IQCH: variants seen among roughly 807,000 people sequenced by gnomAD.
The protein encoded by IQCH is IQ motif containing H.
Under a neutral mutation model 117.0 loss-of-function variants are expected in IQCH, and 98 were observed. The observed-to-expected ratio is 0.84, with a 90% CI of 0.71 to 0.99. IQCH has a LOEUF of 0.99. Among genes scored for constraint, IQCH ranks in the 50% least tolerant of loss-of-function variants. The pLI is 0.00. For synonymous variants in IQCH, 412 were observed against 448.2 expected, an observed-to-expected ratio of 0.92 and a Z score of 1.02; for missense variants, 1,102 against 1,243.8, an observed-to-expected ratio of 0.89 and a Z score of 1.72.
chr15:67,340,296 C>T (rs12901046), intron 5 of IQCH, among the ~76,000 whole-genome samples: 45,001 of 151,100 alleles, frequency 0.3, 6,909 homozygotes, highest in South Asian at 0.38. Flanking sequence ...GGTGTGATGG[C>T]GGGCACCTGT....
At chr15:67,477,172 T>TCCC (rs1341525965) in intron 18 of IQCH, among the ~76,000 whole-genome samples, 1 of 147,074 alleles carries the variant, frequency 6.8e-6, no homozygotes, top group Non-Finnish European at 1.5e-5. Context: ...TGCCTCAGCC[T>TCCC]CCCGAGTAGC....
Position 67,501,756 on chromosome 15 carries a change from A to G in IQCH, c.*1010A>G, listed in dbSNP as rs754111193. On this transcript the variant is annotated 3_prime_UTR_variant, in exon 21 of 21. Coordinates refer to ENST00000335894, the MANE Select transcript of IQCH (RefSeq NM_001031715.3). The surrounding 1 kb of genome is among the most constrained non-coding windows in gnomAD (Gnocchi z 5.2). Reference sequence around the variant, plus strand: ...TTCAATAATTTGTTAACTGTGATTCAGCCACAGGCTAAGAGTTTCTGTAAT... The same window carrying G: ...TTCAATAATTTGTTAACTGTGATTCGGCCACAGGCTAAGAGTTTCTGTAAT... 2 of 152,260 alleles carry G rather than the reference A, an allele frequency of 1.3e-5. No homozygotes were observed. Among genetic ancestry groups the G allele is most frequent in the African/African-American group, 2.4e-5 (1 of 41,472 alleles). 9.4% of individuals were successfully genotyped at this position (152,260 alleles called of 1,614,324 possible).
At chr15:67,318,240 C>T (rs762715198) in intron 4 of IQCH, among the ~76,000 whole-genome samples, 12 of 152,242 alleles carry the variant, frequency 7.9e-5, no homozygotes, top group South Asian at 6.2e-4. Flanking sequence ...TCCCTTCCCT[C>T]CTTTTTGTTT....
At chr15:67,300,150 A>G (rs1383531786) in intron 4 of IQCH, among the ~76,000 whole-genome samples, 1 of 152,022 alleles carries the variant, frequency 6.6e-6, no homozygotes, top group African/African-American at 2.4e-5. Context: ...TCTTTTATTT[A>G]TCAATTTTTA....
At position 67,446,897 on chromosome 15, in the gene IQCH, A is replaced by G. The variant is rs1271535662; in HGVS notation, c.2506-18230A>G. ...CTTGCCCGAAGTCCCACGGTAAATC[A>G]CAAGCCTTCCCTGGCTTCACAGCTC... On this transcript the variant is annotated intron_variant, in intron 16 of 20. Coordinates refer to ENST00000335894, the MANE Select transcript of IQCH (RefSeq NM_001031715.3). 7.2e-5 allele frequency among the ~76,000 whole-genome samples: 11 copies of G among 152,344 alleles called. No individual in the cohort carries two copies. In the East Asian group the frequency reaches 1.9e-3, roughly 27 times the overall value.
At chr15:67,294,706 T>A (rs375529809) in intron 4 of IQCH, among the ~76,000 whole-genome samples, 1 of 152,248 alleles carries the variant, frequency 6.6e-6, no homozygotes, top group African/African-American at 2.4e-5. Context: ...GGGCCCCCAG[T>A]GGCTTCTCTG....
At chr15:67,255,117 G>C in intron 1 of IQCH, 170 bp downstream of exon 1, 1 of 669,064 alleles carries the variant, frequency 1.5e-6, no homozygotes, top group Non-Finnish European at 2.7e-6. Context: ...CCACGGCCCA[G>C]CACACTCCCG....
At position 67,441,122 on chromosome 15, in the gene IQCH, C is replaced by CAAAAAAAAAAAAAAAAA. The variant is rs200254535; in HGVS notation, c.2505+19560_2505+19576dup. Among the ~76,000 whole-genome samples the CAAAAAAAAAAAAAAAAA allele has an allele frequency of 1.1e-4, 6 of 53,974 alleles. 1 individual carries two copies. The highest frequency in any genetic ancestry group is 6.2e-4 in the South Asian group (1 of 1,614). 35.4% of individuals were successfully genotyped at this position (53,974 alleles called of 152,430 possible). A position where few individuals can be genotyped will look rare whatever the true frequency, so the allele number is the denominator to read the frequency against. ...AACTCAACTCCTTTTGCAATAGCTG[C>CAAAAAAAAAAAAAAAAA]AAAAAAAAAAAAAAAAAAAAAAAAA... On this transcript the variant is annotated intron_variant, in intron 16 of 20. Coordinates refer to ENST00000335894, the MANE Select transcript of IQCH (RefSeq NM_001031715.3).
At position 67,285,863 on chromosome 15, in the gene IQCH, G is replaced by A. The variant is rs546785546; in HGVS notation, c.387+6351G>A. The stretch of plus-strand genomic sequence containing the variant: ...GCTTTGTAGTATAATTTGAAATCAG[G>A]TAATGTGATTCTTCCAGTTTTATCC... On this transcript the variant is annotated intron_variant, in intron 4 of 20. Transcript: ENST00000335894. 3.3e-5 allele frequency among the ~76,000 whole-genome samples: 5 copies of A among 152,244 alleles called. No homozygotes were observed. In the South Asian group the frequency reaches 1.0e-3, roughly 32 times the overall value.
In IQCH at chr15:67,372,410, T is replaced by G; in HGVS notation, c.1053T>G (p.His351Gln). ...DLLSVLEDPA[H>Q]VQMLINLPGQ... is the part of the protein sequence containing the mutation. Reference sequence around the variant, plus strand: ...TCTCAGTGTTAGAGGACCCAGCTCATGTCCAAATGCTGATAAATCTTCCAG... The same window carrying G: ...TCTCAGTGTTAGAGGACCCAGCTCAGGTCCAAATGCTGATAAATCTTCCAG... The change falls in exon 9 of 21, where the codon CAT (histidine) becomes CAG (glutamine). Residue 351 changes from histidine to glutamine, a missense_variant. Coordinates refer to ENST00000335894, the MANE Select transcript of IQCH (RefSeq NM_001031715.3). 1 of 1,614,114 alleles carries G rather than the reference T, an allele frequency of 6.2e-7. No homozygotes were observed. Among genetic ancestry groups the G allele is most frequent in the Non-Finnish European group, 8.5e-7 (1 of 1,179,996 alleles).
At chr15:67,389,643 C>G (rs1397417675) in intron 12 of IQCH, among the ~76,000 whole-genome samples, 1 of 152,122 alleles carries the variant, frequency 6.6e-6, no homozygotes, top group Non-Finnish European at 1.5e-5. Flanking sequence ...TACACTTTAA[C>G]AAGAATTTAA....
intron 4 of IQCH, among the ~76,000 whole-genome samples, chr15:67,301,106 G>T (rs1371484658): frequency 1.3e-5 from 2 of 151,962 alleles, no homozygotes; most frequent in South Asian, 2.1e-4. Context: ...ACATAAATTG[G>T]TATCTTTTCT....
intron 10 of IQCH, among the ~76,000 whole-genome samples, chr15:67,380,026 A>AT (rs1970872012): frequency 6.6e-6 from 1 of 152,128 alleles, no homozygotes; most frequent in African/African-American, 2.4e-5. Context: ...CTAATTTTGT[A>AT]TTTTTAGTAG....
chr15:67,286,631 G>GTCTC (rs1408752448), intron 4 of IQCH, among the ~76,000 whole-genome samples: 1 of 126,966 alleles, frequency 7.9e-6, no homozygotes, highest in African/African-American at 2.8e-5. Flanking sequence ...TATTTATTGA[G>GTCTC]TAGAGTCTCG....
intron 4 of IQCH, among the ~76,000 whole-genome samples, chr15:67,290,360 AAATGT>A (rs1232690136): frequency 1.3e-5 from 2 of 152,080 alleles, no homozygotes; most frequent in Non-Finnish European, 1.5e-5. Context: ...TGCTGCATCA[AAATGT>A]AATCTTTTAA....
At chr15:67,389,121 A>G (rs1971199916) in intron 12 of IQCH, 115 bp downstream of exon 12, 1 of 775,724 alleles carries the variant, frequency 1.3e-6, no homozygotes, top group Non-Finnish European at 2.1e-6. Flanking sequence ...CAAGTTTAAC[A>G]GCTTTACTGA....
At chr15:67,305,616 G>C (rs1468930978) in intron 4 of IQCH, among the ~76,000 whole-genome samples, 1 of 152,032 alleles carries the variant, frequency 6.6e-6, no homozygotes, top group African/African-American at 2.4e-5. Flanking sequence ...TTTTGTTGTT[G>C]GTTTTCCTCT....
intron 4 of IQCH, among the ~76,000 whole-genome samples, chr15:67,320,018 A>G (rs1411196776): frequency 6.6e-6 from 1 of 152,234 alleles, no homozygotes; most frequent in East Asian, 1.9e-4. Flanking sequence ...CCTGAACTGT[A>G]AGCGCTCCTA....
intron 3 of IQCH, among the ~76,000 whole-genome samples, chr15:67,278,092 G>T (rs1287334952): frequency 1.3e-5 from 2 of 152,154 alleles, no homozygotes; most frequent in Non-Finnish European, 2.9e-5. Flanking sequence ...CCCCTTAAGT[G>T]AGAGAGGAAG....
Sources: allele counts gnomAD v4.1 joint callset (sites outside exome capture counted in the v4.1 genomes callset), GRCh38; gene constraint gnomAD v4.1.1; non-coding constraint Gnocchi (gnomAD v3.1); transcripts MANE v1.5; gene names NCBI Gene and HGNC (gene_info 2026-07-23, HGNC 2026-07-21).